ROR1: variants seen among roughly 807,000 people sequenced by gnomAD.
ROR1 encodes inactive tyrosine-protein kinase transmembrane receptor ROR1.
ROR1 carries 19 observed loss-of-function variants against 78.8 expected under a neutral mutation model. That is an observed-to-expected ratio of 0.24 (90% CI 0.17 to 0.35). ROR1 has a LOEUF of 0.35. ROR1 is among the 10% of genes least tolerant of loss of function. The pLI, the probability that ROR1 is intolerant of heterozygous loss-of-function variation, is 1.00. For synonymous variants in ROR1, 386 were observed against 433.6 expected (o/e 0.89, Z 1.36); for missense variants, 917 against 1,177.8 (o/e 0.78, Z 3.24).
chr1:63,940,015 T>C (rs1645823738), intron 1 of ROR1, among the ~76,000 whole-genome samples: 1 of 152,184 alleles, frequency 6.6e-6, no homozygotes, highest in Non-Finnish European at 1.5e-5. Context: ...GTATCCTGTA[T>C]ACAGGAGTGT....
At chr1:64,162,581 C>A (rs1385899911) in intron 8 of ROR1, among the ~76,000 whole-genome samples, 2 of 152,072 alleles carry the variant, frequency 1.3e-5, no homozygotes, top group Non-Finnish European at 2.9e-5. Flanking sequence ...CTCTGAGAAG[C>A]CATCTAGCTT....
At position 64,001,416 on chromosome 1, in the gene ROR1, T is replaced by G. The variant is rs149248764; in HGVS notation, c.92-7889T>G. Reference sequence around the variant, plus strand: ...TTTGTGGTGACAAAATTGTTTTATCTTGACTGTGGTAGTGGTTACTCGAAT... The same window carrying G: ...TTTGTGGTGACAAAATTGTTTTATCGTGACTGTGGTAGTGGTTACTCGAAT... On this transcript the variant is annotated intron_variant, in intron 1 of 8. Coordinates refer to ENST00000371079, the MANE Select transcript of ROR1 (RefSeq NM_005012.4). Among the ~76,000 whole-genome samples, 9 of 152,340 alleles carry G rather than the reference T, an allele frequency of 5.9e-5. No homozygotes were observed. In the East Asian group the frequency reaches 1.5e-3, roughly 26 times the overall value.
chr1:64,109,398 G>A (rs1161040081), intron 4 of ROR1, among the ~76,000 whole-genome samples: 4 of 152,082 alleles, frequency 2.6e-5, no homozygotes, highest in Non-Finnish European at 5.9e-5. Flanking sequence ...CTTCTCCAGG[G>A]TATTTTCTGA....
At chr1:63,912,350 G>A (rs955136237) in intron 1 of ROR1, among the ~76,000 whole-genome samples, 4 of 151,558 alleles carry the variant, frequency 2.6e-5, no homozygotes, top group Non-Finnish European at 5.9e-5. Context: ...TCTACTCTCA[G>A]GGTTTCATAC....
At chr1:63,795,579 A>G (rs898354095) in intron 1 of ROR1, among the ~76,000 whole-genome samples, 2 of 152,028 alleles carry the variant, frequency 1.3e-5, no homozygotes, top group African/African-American at 4.8e-5. Context: ...AACTCTTAAG[A>G]TCGTGAAAAT....
chr1:63,874,844 T>A (rs1370299808), intron 1 of ROR1, among the ~76,000 whole-genome samples: 1 of 152,044 alleles, frequency 6.6e-6, no homozygotes, highest in African/African-American at 2.4e-5. Context: ...TCCTTCTTGC[T>A]CTCCACAGGG....
chr1:64,048,528 T>G (rs1421447472), intron 2 of ROR1, among the ~76,000 whole-genome samples: 1 of 152,178 alleles, frequency 6.6e-6, no homozygotes, highest in African/African-American at 2.4e-5. Flanking sequence ...GCAGGGGATC[T>G]ATCCAAGAAG....
At chr1:64,115,793 T>G (rs1339719152) in intron 4 of ROR1, among the ~76,000 whole-genome samples, 2 of 152,114 alleles carry the variant, frequency 1.3e-5, no homozygotes, top group African/African-American at 2.4e-5. Flanking sequence ...GGATGTGAAC[T>G]TGGGGAAATT....
intron 4 of ROR1, among the ~76,000 whole-genome samples, chr1:64,082,175 T>TA (rs1239688913): frequency 6.6e-6 from 1 of 151,986 alleles, no homozygotes; most frequent in Non-Finnish European, 1.5e-5. Flanking sequence ...CCCTGGGAAA[T>TA]ACTGACATTT....
chr1:63,919,879 T>C (rs557907781), intron 1 of ROR1, among the ~76,000 whole-genome samples: 4 of 152,154 alleles, frequency 2.6e-5, no homozygotes, highest in African/African-American at 4.8e-5. Flanking sequence ...CTGATAGTAA[T>C]AGGAATCAGC....
intron 1 of ROR1, among the ~76,000 whole-genome samples, chr1:63,906,044 C>T (rs1191665532): frequency 1.3e-5 from 2 of 152,014 alleles, no homozygotes; most frequent in Non-Finnish European, 2.9e-5. Flanking sequence ...CTTGTTATTT[C>T]CTATAGACAT....
intron 2 of ROR1, among the ~76,000 whole-genome samples, chr1:64,034,259 T>A (rs535575742): frequency 6.6e-6 from 1 of 152,208 alleles, no homozygotes; most frequent in South Asian, 2.1e-4. Context: ...TCTGATTATG[T>A]TCATGGGGTC....
At chr1:63,787,088 A>T (rs1644692968) in intron 1 of ROR1, among the ~76,000 whole-genome samples, 1 of 152,064 alleles carries the variant, frequency 6.6e-6, no homozygotes, top group Admixed American at 6.5e-5. Flanking sequence ...GCCTCCAGGA[A>T]TTTCTACCCT....
intron 8 of ROR1, among the ~76,000 whole-genome samples, chr1:64,165,633 G>T (rs1423219931): frequency 6.6e-6 from 1 of 150,790 alleles, no homozygotes; most frequent in South Asian, 2.1e-4. Context: ...TGAAATCTTT[G>T]CCTGTGCCTA....
intron 1 of ROR1, among the ~76,000 whole-genome samples, chr1:63,889,587 A>T (rs900876988): frequency 1.3e-5 from 2 of 151,996 alleles, no homozygotes; most frequent in African/African-American, 4.8e-5. Context: ...GTGCCCCCGG[A>T]TGGCTGTTTG....
At chr1:63,818,017 A>G (rs1644902604) in intron 1 of ROR1, among the ~76,000 whole-genome samples, 1 of 152,202 alleles carries the variant, frequency 6.6e-6, no homozygotes, top group Non-Finnish European at 1.5e-5. Context: ...CACTTTACAT[A>G]TGCATATTCA....
chr1:64,050,507 AT>A (rs397973977), intron 3 of ROR1, among the ~76,000 whole-genome samples, 178 bp from the exon 4 acceptor site: 5,220 of 142,736 alleles, frequency 0.037, 85 homozygotes, highest in South Asian at 0.066. Flanking sequence ...TCTCACTGGT[AT>A]TTTTTTTTTT....
At chr1:64,073,808 G>T (rs531316414) in intron 4 of ROR1, among the ~76,000 whole-genome samples, 1 of 152,124 alleles carries the variant, frequency 6.6e-6, no homozygotes, top group Admixed American at 6.5e-5. Context: ...CCCTGTTCCC[G>T]AAGGGTTAAC....
intron 8 of ROR1, among the ~76,000 whole-genome samples, chr1:64,172,192 T>C (rs112319128): frequency 2.0e-5 from 3 of 152,196 alleles, no homozygotes; most frequent in Non-Finnish European, 4.4e-5. Context: ...AAGCCACCAG[T>C]ATCAGCCTGG....
Sources: allele counts gnomAD v4.1 joint callset (sites outside exome capture counted in the v4.1 genomes callset), GRCh38; gene constraint gnomAD v4.1.1; transcripts MANE v1.5; gene names NCBI Gene and HGNC (gene_info 2026-07-23, HGNC 2026-07-21).